IL5RA: variants seen among roughly 807,000 people sequenced by gnomAD.
IL5RA encodes interleukin 5 receptor subunit alpha, also known as interleukin-5 receptor subunit alpha.
A neutral mutation model predicts 50.0 loss-of-function variants in IL5RA; 49 were observed. The observed-to-expected ratio is 0.98, with a 90% CI of 0.78 to 1.24. The LOEUF is 1.24. Among genes scored for constraint, IL5RA ranks in the 50% most tolerant of loss-of-function variants. IL5RA has a pLI of 0.00. For synonymous variants in IL5RA, 202 were observed against 174.0 expected (o/e 1.16, Z -1.26); for missense variants, 600 against 500.4 (o/e 1.20, Z -1.90).
chr3:3,086,742 A>G (rs547938195), intron 9 of IL5RA, among the ~76,000 whole-genome samples: 17 of 152,342 alleles, frequency 1.1e-4, no homozygotes, highest in African/African-American at 3.1e-4. Context: ...AGAAGTCACT[A>G]TATCAAAAAG....
At chr3:3,084,171 G>A (rs1702769347) in intron 9 of IL5RA, among the ~76,000 whole-genome samples, 1 of 152,022 alleles carries the variant, frequency 6.6e-6, no homozygotes, top group African/African-American at 2.4e-5. Context: ...GATAAGGATC[G>A]AATGAATTAA....
chr3:3,109,121 C>A lies in IL5RA; in HGVS notation c.-145-430G>T, dbSNP rs577654289. Among the ~76,000 whole-genome samples the A allele has an allele frequency of 6.6e-5, 10 of 152,160 alleles. No individual in the cohort carries two copies. The South Asian group carries it at 1.7e-3, about 25-fold the overall frequency. ...TTAGGCTCAAGGGTATTAAAATATT[C>A]TCGCTCTGTCTCTCCTTTTTCCCCC... On this transcript the variant is annotated intron_variant, in intron 1 of 11. Coordinates refer to ENST00000446632, the MANE Select transcript of IL5RA (RefSeq NM_175726.4).
intron 7 of IL5RA, among the ~76,000 whole-genome samples, chr3:3,096,221 T>A (rs1407212968): frequency 6.7e-6 from 1 of 150,364 alleles, no homozygotes; most frequent in Non-Finnish European, 1.5e-5. Context: ...GAGCTTGCAG[T>A]GAGCCGAGAT....
rs528245866 is a variant in IL5RA, at chr3:3,104,894, G to C, written c.82+9C>G. The C allele has an allele frequency of 6.5e-7, 1 of 1,540,760 alleles. No individual in the cohort carries two copies. Among genetic ancestry groups the C allele is most frequent in the African/African-American group, 1.4e-5 (1 of 73,366 alleles). On this transcript the variant is annotated intron_variant, in intron 3 of 11. Coordinates refer to ENST00000446632, the MANE Select transcript of IL5RA (RefSeq NM_175726.4). ...ATAAACATTATTGAATTGAATAGAA[G>C]GTCCTTACTCTTTTCATCAGGAAGT...
intron 7 of IL5RA, among the ~76,000 whole-genome samples, chr3:3,096,093 G>A (rs1705782): frequency 3.9e-5 from 6 of 152,012 alleles, no homozygotes; most frequent in African/African-American, 9.6e-5. Context: ...CCTGGCTAAC[G>A]TGGTGAAACC....
intron 11 of IL5RA, among the ~76,000 whole-genome samples, chr3:3,071,319 C>T (rs186050335): frequency 1.8e-4 from 28 of 152,228 alleles, no homozygotes; most frequent in Admixed American, 5.2e-4. Flanking sequence ...AGCTGGAAAC[C>T]AGTCTCATAA....
chr3:3,082,667 G>A (rs2125960986), intron 9 of IL5RA, among the ~76,000 whole-genome samples: 1 of 152,324 alleles, frequency 6.6e-6, no homozygotes, highest in African/African-American at 2.4e-5. Context: ...GGTGGGCTGG[G>A]ACAGTGGCAA....
Position 3,070,161 on chromosome 3 carries a change from C to T in IL5RA, c.*64G>A, listed in dbSNP as rs766392364. 2.6e-5 allele frequency: 27 copies of T among 1,050,160 alleles called. No homozygotes were observed. Among genetic ancestry groups the T allele is most frequent in the Non-Finnish European group, 3.2e-5 (22 of 682,050 alleles). 65.1% of individuals were successfully genotyped at this position (1,050,160 alleles called of 1,614,324 possible). ...ACACCTCTTAGCCAAGAGCCAGCAT[C>T]CCTGTTCTTTTCACTGAGGCACTGA... On this transcript the variant is annotated 3_prime_UTR_variant, in exon 12 of 12. Transcript: ENST00000446632.
chr3:3,073,028 C>A (rs1265033564), intron 11 of IL5RA, among the ~76,000 whole-genome samples: 3 of 152,160 alleles, frequency 2.0e-5, no homozygotes, highest in Non-Finnish European at 4.4e-5. Context: ...CTCTTCTTCC[C>A]AAAGAACTCA....
At chr3:3,088,092 T>G (rs1016590530) in intron 9 of IL5RA, among the ~76,000 whole-genome samples, 1 of 152,170 alleles carries the variant, frequency 6.6e-6, no homozygotes, top group African/African-American at 2.4e-5. Context: ...GGGAAAACTA[T>G]AATGAGCCCA....
At position 3,080,607 on chromosome 3, in the gene IL5RA, G is replaced by A. The variant is rs189696246; in HGVS notation, c.995-3980C>T. Among the ~76,000 whole-genome samples the A allele has an allele frequency of 2.0e-3, 306 of 152,284 alleles. 1 individual carries two copies. Among genetic ancestry groups the A allele is most frequent in the Non-Finnish European group, 3.5e-3 (240 of 68,010 alleles). On this transcript the variant is annotated intron_variant, in intron 9 of 11. Coordinates refer to ENST00000446632, the MANE Select transcript of IL5RA (RefSeq NM_175726.4). Reference sequence around the variant, plus strand: ...TGTGCAGGCAGCTTCTCTAATTAAAGGTGGCTGCTTTGCAAACTACCGTTT... The same window carrying A: ...TGTGCAGGCAGCTTCTCTAATTAAAAGTGGCTGCTTTGCAAACTACCGTTT...
At chr3:3,105,019 C>T (rs751257848) in intron 2 of IL5RA, 32 bp from the exon 3 acceptor site, 17 of 1,414,812 alleles carry the variant, frequency 1.2e-5, no homozygotes, top group Non-Finnish European at 1.7e-5. Context: ...CCAAAATCAT[C>T]TTGTTGCTAT....
At chr3:3,085,313 G>A (rs1176073934) in intron 9 of IL5RA, among the ~76,000 whole-genome samples, 2 of 152,130 alleles carry the variant, frequency 1.3e-5, no homozygotes, top group Admixed American at 1.3e-4. Flanking sequence ...GCTCCCATCT[G>A]TAACCTCAAA....
At chr3:3,080,629 G>A (rs17881984) in intron 9 of IL5RA, among the ~76,000 whole-genome samples, 7,127 of 152,190 alleles carry the variant, frequency 0.047, 296 homozygotes, top group African/African-American at 0.1. Context: ...GCAAACTACC[G>A]TTTCTCCTGA....
rs1020438591 is a variant in IL5RA, at chr3:3,092,735, G to A, written c.856-373C>T. 1.3e-4 allele frequency among the ~76,000 whole-genome samples: 20 copies of A among 152,072 alleles called. No homozygotes were observed. Among genetic ancestry groups the A allele is most frequent in the Admixed American group, 4.6e-4 (7 of 15,268 alleles). On this transcript the variant is annotated intron_variant, in intron 8 of 11. Coordinates refer to ENST00000446632, the MANE Select transcript of IL5RA (RefSeq NM_175726.4). The surrounding 1 kb of genome is among the most constrained non-coding windows in gnomAD (Gnocchi z 4.2). Reference sequence around the variant, plus strand: ...CATTACTAAATAATGTCACATGAACGCTAGATTGTCTAGTGTTGAAATGAA... The same window carrying A: ...CATTACTAAATAATGTCACATGAACACTAGATTGTCTAGTGTTGAAATGAA...
At chr3:3,070,357 T>G in intron 11 of IL5RA, 46 bp from the exon 12 acceptor site, 1 of 1,266,074 alleles carries the variant, frequency 7.9e-7, no homozygotes, top group South Asian at 1.3e-5. Context: ...AGAGAACTTT[T>G]GGGTTCTTTG....
intron 11 of IL5RA, among the ~76,000 whole-genome samples, chr3:3,070,798 G>A (rs565441751): frequency 6.6e-6 from 1 of 151,714 alleles, no homozygotes; most frequent in Non-Finnish European, 1.5e-5. Flanking sequence ...GGCCAGGCTG[G>A]TCTCGAACTC....
intron 8 of IL5RA, among the ~76,000 whole-genome samples, chr3:3,093,367 A>C (rs1703216064): frequency 6.6e-6 from 1 of 152,336 alleles, no homozygotes; most frequent in South Asian, 2.1e-4. Context: ...ATACAGATAA[A>C]ATTATGACTG....
chr3:3,089,000 G>C (rs1479239218), intron 9 of IL5RA, among the ~76,000 whole-genome samples: 1 of 152,182 alleles, frequency 6.6e-6, no homozygotes, highest in Admixed American at 6.5e-5. Context: ...GGGGAACAGA[G>C]TGAATTTTCC....
Sources: gnomAD v4.1 joint callset for allele counts (sites outside exome capture counted in the v4.1 genomes callset) on GRCh38, gnomAD v4.1.1 for gene constraint, Gnocchi (gnomAD v3.1) non-coding constraint, MANE v1.5 for transcripts, NCBI Gene and HGNC (gene_info 2026-07-23, HGNC 2026-07-21) for gene names.